Variants in SPTB observed in about 807,000 individuals in gnomAD.
The protein encoded by SPTB is spectrin beta chain, erythrocytic.
SPTB carries 45 observed loss-of-function variants against 256.2 expected under a neutral mutation model. The observed-to-expected ratio is 0.18, with a 90% CI of 0.14 to 0.23. The LOEUF (loss-of-function observed/expected upper bound fraction) is 0.23, where lower values mean the gene tolerates loss of function less well. Among genes scored for constraint, SPTB ranks in the 10% least tolerant of loss-of-function variants. SPTB has a pLI of 1.00. For synonymous variants in SPTB, 1,231 were observed against 1,243.1 expected (o/e 0.99, Z 0.21); for missense variants, 2,715 against 3,040.4 (o/e 0.89, Z 2.52).
Position 64,772,987 on chromosome 14 carries a change from G to C in SPTB, c.5179-33C>G, listed in dbSNP as rs750501991. 6.9e-6 allele frequency: 11 copies of C among 1,588,682 alleles called. No individual in the cohort carries two copies. In the Admixed American group the frequency reaches 8.4e-5, roughly 12 times the overall value. ...TGGGGCAGACAGAAATGTGGTTATG[G>C]GGGGCACAGGGGTTACAGGTGTCAC... On this transcript the variant is annotated intron_variant, in intron 25 of 35. Coordinates refer to ENST00000644917, the MANE Select transcript of SPTB (RefSeq NM_001355436.2). The surrounding 1 kb of genome is among the most constrained non-coding windows in gnomAD (Gnocchi z 5.4).
intron 1 of SPTB, among the ~76,000 whole-genome samples, chr14:64,837,527 T>A (rs2083543519): frequency 6.6e-6 from 1 of 152,222 alleles, no homozygotes; most frequent in African/African-American, 2.4e-5. Context: ...TAAACTGATC[T>A]ATAAATTCAA....
chr14:64,839,172 T>C (rs2083568548), intron 1 of SPTB, among the ~76,000 whole-genome samples: 1 of 152,236 alleles, frequency 6.6e-6, no homozygotes, highest in African/African-American at 2.4e-5. Context: ...AGTGGCTTTA[T>C]TTATTCTGAC....
In SPTB at chr14:64,793,095, C is replaced by G. The variant is rs2082703019; in HGVS notation, c.2568G>C (p.Glu856Asp). Residue 856 changes from glutamate to aspartate, a missense_variant, in exon 14 of 36, where the codon GAG (glutamate) becomes GAC (aspartate). Glu to Asp is a conservative substitution (Grantham distance 45). This residue lies in a region of SPTB where 2,239 missense variants were observed against 2,384.4 expected (regional missense o/e 0.94). Coordinates refer to ENST00000644917, the MANE Select transcript of SPTB (RefSeq NM_001355436.2). The surrounding 1 kb of genome is among the most constrained non-coding windows in gnomAD (Gnocchi z 7.0). ...EALDLYTVFG[E>D]TDACELWMGE... ...CCATCCACAGCTCACAGGCGTCTGT[C>G]TCCCCGAACACCGTGTACAGGTCCA... The G allele has an allele frequency of 1.9e-6, 3 of 1,614,042 alleles. No individual in the cohort carries two copies. The highest frequency in any genetic ancestry group is 2.5e-6 in the Non-Finnish European group (3 of 1,180,064).
At chr14:64,858,254 G>C (rs916524091) in intron 1 of SPTB, among the ~76,000 whole-genome samples, 2 of 152,218 alleles carry the variant, frequency 1.3e-5, no homozygotes, top group African/African-American at 4.8e-5. Flanking sequence ...GCAGGTAAGA[G>C]CTAGGTAACA....
Position 64,795,396 on chromosome 14 carries a change from C to G in SPTB, c.1585G>C (p.Ala529Pro), listed in dbSNP as rs1377106577. Reference sequence around the variant, plus strand: ...ATGTCCTGGAAGAGCTTCTGCAGTGCCAGGGTGGTCTCGAGCCTCTGGCGC... The same window carrying G: ...ATGTCCTGGAAGAGCTTCTGCAGTGGCAGGGTGGTCTCGAGCCTCTGGCGC... ...SRRQRLETTLALQKLFQDMLH... is the reference protein window; with the variant it reads ...SRRQRLETTLPLQKLFQDMLH... The change falls in exon 12 of 36, where the codon GCA (alanine) becomes CCA (proline). Residue 529 changes from alanine (A) to proline (P), a missense_variant. Around this residue, in one of 4 missense-constraint regions of SPTB, gnomAD observed 2,239 missense variants for 2,384.4 expected, o/e 0.94. Coordinates refer to ENST00000644917, the MANE Select transcript of SPTB (RefSeq NM_001355436.2). This position sits in a 1 kb window ranked among gnomAD's most constrained non-coding sequence, Gnocchi z 6.5. 1 of 1,613,900 alleles carries G rather than the reference C, an allele frequency of 6.2e-7. No homozygotes were observed. Among genetic ancestry groups the G allele is most frequent in the Non-Finnish European group, 8.5e-7 (1 of 1,180,032 alleles).
Position 64,764,451 on chromosome 14 carries a change from C to T in SPTB, c.6345+2275G>A, listed in dbSNP as rs996650634. The stretch of plus-strand genomic sequence containing the variant: ...TCACCATCTGGTTTCTTTCCGGTAC[C>T]GGGCACAAGCCAGTCTTCCCATCTG... On this transcript the variant is annotated intron_variant, in intron 32 of 35. Transcript: ENST00000644917. The surrounding 1 kb of genome is among the most constrained non-coding windows in gnomAD (Gnocchi z 4.2). Among the ~76,000 whole-genome samples, 6 of 152,104 alleles carry T rather than the reference C, an allele frequency of 3.9e-5. No individual in the cohort carries two copies. The highest frequency in any genetic ancestry group is 8.8e-5 in the Non-Finnish European group (6 of 68,014).
Position 64,785,873 on chromosome 14 carries a change from A to G in SPTB, c.3640T>C (p.Leu1214=), listed in dbSNP as rs372973689. The G allele has an allele frequency of 1.1e-5, 17 of 1,614,020 alleles. No homozygotes were observed. Among genetic ancestry groups the G allele is most frequent in the Middle Eastern group, 1.6e-4 (1 of 6,084 alleles). The change falls in exon 17 of 36, where the codon TTG becomes CTG. Residue 1214 remains leucine (L), a synonymous_variant. Coordinates refer to ENST00000644917, the MANE Select transcript of SPTB (RefSeq NM_001355436.2). The surrounding 1 kb of genome is among the most constrained non-coding windows in gnomAD (Gnocchi z 4.4). ...EAGIRKFEDF[L]GSMENNRDKV... Reference sequence around the variant, plus strand: ...TCCCGGTTGTTCTCCATAGACCCCAAGAAATCCTCAAACTTCCGGATCCCA... The same window carrying G: ...TCCCGGTTGTTCTCCATAGACCCCAGGAAATCCTCAAACTTCCGGATCCCA...
chr14:64,859,935 G>C (rs1469771771), intron 1 of SPTB, among the ~76,000 whole-genome samples: 1 of 152,048 alleles, frequency 6.6e-6, no homozygotes, highest in Non-Finnish European at 1.5e-5. Flanking sequence ...TTTCTGAAAA[G>C]ACTGTGAATA....
Position 64,784,270 on chromosome 14 carries a change from C to T in SPTB, c.3979G>A (p.Gly1327Arg), listed in dbSNP as rs1453923191. ...ACCGCATCGATGTTCTCTAGCCACC[C>T]TTCATGGGAAGCCAGCTCTGCCACA... ...AFVAELASHE[G>R]WLENIDAEGK... Residue 1327 changes from glycine to arginine, a missense_variant, in exon 19 of 36, where the codon GGG becomes AGG. Gly to Arg is a moderately radical substitution (Grantham distance 125). Transcript: ENST00000644917. 5 of 1,614,262 alleles carry T rather than the reference C, an allele frequency of 3.1e-6. No homozygotes were observed. Among genetic ancestry groups the T allele is most frequent in the Non-Finnish European group, 4.2e-6 (5 of 1,180,054 alleles).
chr14:64,822,542 C>G (rs1184533410), intron 2 of SPTB, among the ~76,000 whole-genome samples: 1 of 152,022 alleles, frequency 6.6e-6, no homozygotes. Flanking sequence ...CCTTTTGGGA[C>G]TACAGAGAGG....
chr14:64,808,357 C>G (rs1168131483), intron 2 of SPTB, among the ~76,000 whole-genome samples: 1 of 152,096 alleles, frequency 6.6e-6, no homozygotes, highest in Non-Finnish European at 1.5e-5. Flanking sequence ...TGTGGCCATC[C>G]TCATTCCCTG....
intron 1 of SPTB, among the ~76,000 whole-genome samples, chr14:64,835,612 T>C (rs900924783): frequency 2.0e-5 from 3 of 151,960 alleles, no homozygotes; most frequent in Non-Finnish European, 2.9e-5. Flanking sequence ...ACCACTAGAG[T>C]CGATTCAGCC....
chr14:64,848,388 A>G (rs1370631677), intron 1 of SPTB, among the ~76,000 whole-genome samples: 2 of 152,224 alleles, frequency 1.3e-5, no homozygotes, highest in Non-Finnish European at 2.9e-5. Context: ...ATGAGACTCA[A>G]GCCTGTGTAG....
chr14:64,769,782 C>T (rs2082250627), intron 27 of SPTB, 54 bp from the exon 28 acceptor site: 9 of 1,612,690 alleles, frequency 5.6e-6, no homozygotes, highest in Non-Finnish European at 7.6e-6. Flanking sequence ...TCTGGCCTGC[C>T]TCTGTGTCCC....
rs371770408 is a variant in SPTB, at chr14:64,775,116, C to T, written c.4842+9G>A. ...GGCACCCTGGCTGGTATCCCCTGCC[C>T]GAACAGACCTTGGGGATCTCATCGG... On this transcript the variant is annotated intron_variant, in intron 23 of 35. Coordinates refer to ENST00000644917, the MANE Select transcript of SPTB (RefSeq NM_001355436.2). The surrounding 1 kb of genome is among the most constrained non-coding windows in gnomAD (Gnocchi z 5.0). 3.2e-5 allele frequency: 52 copies of T among 1,613,734 alleles called. No individual in the cohort carries two copies. The highest frequency in any genetic ancestry group is 1.0e-4 in the Admixed American group (6 of 60,008).
chr14:64,769,371 G>A (rs908893210), intron 28 of SPTB, among the ~76,000 whole-genome samples: 2 of 152,208 alleles, frequency 1.3e-5, no homozygotes, highest in Admixed American at 1.3e-4. Context: ...CGGTTATGAG[G>A]CTGCTCTCCG....
At position 64,806,344 on chromosome 14, in the gene SPTB, G is replaced by A. The variant is rs1221645955; in HGVS notation, c.149-1254C>T. Among the ~76,000 whole-genome samples, 1 of 152,186 alleles carries A rather than the reference G, an allele frequency of 6.6e-6. No homozygotes were observed. The highest frequency in any genetic ancestry group is 1.5e-5 in the Non-Finnish European group (1 of 68,030). On this transcript the variant is annotated intron_variant, in intron 2 of 35. Transcript: ENST00000644917. The surrounding 1 kb of genome is among the most constrained non-coding windows in gnomAD (Gnocchi z 4.1). ...GACTTGGCAGTGAGGCTGGGCCTGA[G>A]GGTTGTGGAGGATCCCTGGGGAGGG... is the stretch of plus-strand genomic sequence containing the variant.
rs756419736 is a variant in SPTB, at chr14:64,772,888, T to C, written c.5245A>G (p.Asn1749Asp). The stretch of plus-strand genomic sequence containing the variant: ...AGTCGCTCGATGAAGGCATTCACAT[T>C]GTCCACCCGCTCCTGCCCAATCGCC... Reference protein sequence around the residue: ...TGAIGQERVDNVNAFIERLID... With the variant: ...TGAIGQERVDDVNAFIERLID... The change falls in exon 26 of 36, where the codon AAT becomes GAT. Residue 1749 changes from asparagine (N) to aspartate (D), a missense_variant. This residue lies in a region of SPTB where 2,239 missense variants were observed against 2,384.4 expected (regional missense o/e 0.94). Transcript: ENST00000644917. This position sits in a 1 kb window ranked among gnomAD's most constrained non-coding sequence, Gnocchi z 5.4. 3.5e-5 allele frequency: 56 copies of C among 1,608,038 alleles called. No homozygotes were observed. Among genetic ancestry groups the C allele is most frequent in the Non-Finnish European group, 4.6e-5 (54 of 1,175,732 alleles).
In SPTB at chr14:64,760,288, G is replaced by A. The variant is rs910031024; in HGVS notation, c.6345+6438C>T. The stretch of plus-strand genomic sequence containing the variant: ...CACAGAGGATGTGCACAACAGGCCA[G>A]GGACATGGCCAGGTGGGTAAATGTC... On this transcript the variant is annotated intron_variant, in intron 32 of 35. Coordinates refer to ENST00000644917, the MANE Select transcript of SPTB (RefSeq NM_001355436.2). The surrounding 1 kb of genome is among the most constrained non-coding windows in gnomAD (Gnocchi z 4.3). 3.9e-5 allele frequency among the ~76,000 whole-genome samples: 6 copies of A among 152,098 alleles called. No individual in the cohort carries two copies. The highest frequency in any genetic ancestry group is 1.4e-4 in the African/African-American group (6 of 41,412).
Sources: gnomAD v4.1 joint callset for allele counts (sites outside exome capture counted in the v4.1 genomes callset) on GRCh38, gnomAD v4.1.1 for gene constraint, gnomAD v4.1.1 regional missense constraint, Gnocchi (gnomAD v3.1) non-coding constraint, MANE v1.5 for transcripts, NCBI Gene and HGNC (gene_info 2026-07-23, HGNC 2026-07-21) for gene names.